RAB10: variants seen among roughly 807,000 people sequenced by gnomAD.
RAB10 encodes RAB10, member RAS oncogene family, also known as ras-related protein Rab-10.
In RAB10, 5 loss-of-function variants were observed where a neutral mutation model predicts 25.7. The ratio of observed to expected loss-of-function variants is 0.19; its 90% CI spans 0.10 to 0.41. The LOEUF is 0.41. Among genes scored for constraint, RAB10 ranks in the 10% least tolerant of loss-of-function variants. The pLI, the probability that RAB10 is intolerant of heterozygous loss-of-function variation, is 1.00. For missense variants in RAB10, 103 were observed against 245.8 expected, an observed-to-expected ratio of 0.42 and a Z score of 3.89; for synonymous variants, 89 against 86.4, an observed-to-expected ratio of 1.03 and a Z score of -0.16.
At chr2:26,071,782 GTT>G (rs1178322224) in intron 1 of RAB10, among the ~76,000 whole-genome samples, 1 of 151,932 alleles carries the variant, frequency 6.6e-6, no homozygotes, top group Non-Finnish European at 1.5e-5. Context: ...CGGGAGGATT[GTT>G]TGAGCCTGGG....
intron 1 of RAB10, among the ~76,000 whole-genome samples, chr2:26,092,296 TGTGTGTGTGTGTGTGTGTGTGTGTG>T (rs1667125332): frequency 7.3e-6 from 1 of 137,502 alleles, no homozygotes; most frequent in Non-Finnish European, 1.5e-5. Context: ...TGTGTGTGTG[TGTGTGTGTGTGTGTGTGTGTGTGTG>T]TTGGGGTGGT....
chr2:26,121,381 G>T (rs892819148), intron 3 of RAB10, among the ~76,000 whole-genome samples: 3 of 152,038 alleles, frequency 2.0e-5, no homozygotes, highest in East Asian at 1.9e-4. Context: ...ATGGGGACTC[G>T]CAGTGTTGCC....
intron 2 of RAB10, among the ~76,000 whole-genome samples, chr2:26,106,214 G>A (rs930999204): frequency 6.6e-6 from 1 of 152,124 alleles, no homozygotes; most frequent in Non-Finnish European, 1.5e-5. Flanking sequence ...AAATTTGCTG[G>A]GAAAATTTTT....
At chr2:26,133,921 G>A (rs1219973570) in intron 5 of RAB10, among the ~76,000 whole-genome samples, 1 of 152,060 alleles carries the variant, frequency 6.6e-6, no homozygotes, top group Non-Finnish European at 1.5e-5. Flanking sequence ...TGATCCACCC[G>A]CCTCGGCCTC....
chr2:26,129,735 C>CG (rs1254593511), intron 5 of RAB10, among the ~76,000 whole-genome samples: 1 of 152,158 alleles, frequency 6.6e-6, no homozygotes, highest in African/African-American at 2.4e-5. Context: ...TTGAGTCTGC[C>CG]AGCTTCCTTG....
chr2:26,102,972 G>A (rs1254513693), intron 2 of RAB10, among the ~76,000 whole-genome samples: 1 of 152,164 alleles, frequency 6.6e-6, no homozygotes, highest in African/African-American at 2.4e-5. Flanking sequence ...TAAAAACATA[G>A]AATGAAATTT....
At chr2:26,072,313 G>T (rs1482639260) in intron 1 of RAB10, among the ~76,000 whole-genome samples, 1 of 152,140 alleles carries the variant, frequency 6.6e-6, no homozygotes, top group East Asian at 1.9e-4. Context: ...CTACTCGGGA[G>T]GCTGAGGCAG....
chr2:26,082,639 A>G (rs2149274241), intron 1 of RAB10, among the ~76,000 whole-genome samples: 1 of 152,224 alleles, frequency 6.6e-6, no homozygotes, highest in South Asian at 2.1e-4. Flanking sequence ...TCTGAAAGAA[A>G]CCTCAGGCCC....
chr2:26,130,188 A>G (rs1667984885), intron 5 of RAB10, among the ~76,000 whole-genome samples: 1 of 152,232 alleles, frequency 6.6e-6, no homozygotes, highest in South Asian at 2.1e-4. Context: ...GTCTTTCACA[A>G]TTGAGTTAAG....
At chr2:26,098,445 T>C in intron 1 of RAB10, 1 of 477,456 alleles carries the variant, frequency 2.1e-6, no homozygotes, top group Non-Finnish European at 3.7e-6. Flanking sequence ...AGCCCAAAAC[T>C]TGGTCTTTTC....
At chr2:26,046,056 G>A (rs1665995845) in intron 1 of RAB10, among the ~76,000 whole-genome samples, 1 of 152,210 alleles carries the variant, frequency 6.6e-6, no homozygotes, top group African/African-American at 2.4e-5. Context: ...CCGGTGCGGT[G>A]GCTCACGCCT....
At chr2:26,049,162 G>A (rs1666078408) in intron 1 of RAB10, among the ~76,000 whole-genome samples, 1 of 149,252 alleles carries the variant, frequency 6.7e-6, no homozygotes, top group African/African-American at 2.5e-5. Context: ...TTTGTATATG[G>A]TGGGGGGTTT....
At chr2:26,052,339 T>C (rs1356547088) in intron 1 of RAB10, among the ~76,000 whole-genome samples, 1 of 152,022 alleles carries the variant, frequency 6.6e-6, no homozygotes, top group African/African-American at 2.4e-5. Flanking sequence ...AGACCCATGA[T>C]CACGCCACTA....
At chr2:26,090,500 G>GC (rs1667077956) in intron 1 of RAB10, among the ~76,000 whole-genome samples, 1 of 56,736 alleles carries the variant, frequency 1.8e-5, no homozygotes, top group African/African-American at 7.8e-5. Context: ...CTGTTTTCTT[G>GC]CCTTTTTTTT....
chr2:26,072,357 A>C (rs1198695519), intron 1 of RAB10, among the ~76,000 whole-genome samples: 1 of 152,146 alleles, frequency 6.6e-6, no homozygotes, highest in Non-Finnish European at 1.5e-5. Flanking sequence ...TGGGGGTTGC[A>C]GTGAGCTGAG....
At chr2:26,120,621 G>A (rs139700712) in intron 3 of RAB10, among the ~76,000 whole-genome samples, 5,207 of 151,232 alleles carry the variant, frequency 0.034, 143 homozygotes, top group Non-Finnish European at 0.056. Flanking sequence ...ACGGAGTCTC[G>A]CTCTGTTGCC....
intron 4 of RAB10, among the ~76,000 whole-genome samples, chr2:26,127,508 G>A (rs1667928830): frequency 6.6e-6 from 1 of 152,034 alleles, no homozygotes; most frequent in Non-Finnish European, 1.5e-5. Context: ...TTTAAACTTA[G>A]GACTTTAAGG....
At chr2:26,094,312 C>A (rs761094153) in intron 1 of RAB10, among the ~76,000 whole-genome samples, 1 of 150,138 alleles carries the variant, frequency 6.7e-6, no homozygotes, top group Non-Finnish European at 1.5e-5. Flanking sequence ...AGTGCAGTGG[C>A]ACGGTCTTGA....
At chr2:26,123,642 G>T (rs775412213) in intron 3 of RAB10, among the ~76,000 whole-genome samples, 2 of 152,168 alleles carry the variant, frequency 1.3e-5, no homozygotes, top group Non-Finnish European at 2.9e-5. Flanking sequence ...TTCCAAACCA[G>T]CGTTGGACGA....
Sources: allele counts gnomAD v4.1 joint callset (sites outside exome capture counted in the v4.1 genomes callset), GRCh38; gene constraint gnomAD v4.1.1; transcripts MANE v1.5; gene names NCBI Gene and HGNC (gene_info 2026-07-23, HGNC 2026-07-21).